The following PTPRM variants were observed in gnomAD, a reference collection of about 807,000 sequenced individuals.
The protein encoded by PTPRM is receptor-type tyrosine-protein phosphatase mu.
A neutral mutation model predicts 186.7 loss-of-function variants in PTPRM; 47 were observed. The observed-to-expected ratio is 0.25, with a 90% CI of 0.20 to 0.32. PTPRM has a LOEUF of 0.32. PTPRM is among the 10% of genes least tolerant of loss of function. The pLI, the probability that PTPRM is intolerant of heterozygous loss-of-function variation, is 1.00. For synonymous variants in PTPRM, 668 were observed against 674.9 expected (o/e 0.99, Z 0.16); for missense variants, 1,494 against 1,865.0 (o/e 0.80, Z 3.66).
intron 8 of PTPRM, among the ~76,000 whole-genome samples, chr18:8,076,253 G>GA (rs955998423): frequency 4.6e-5 from 7 of 151,544 alleles, no homozygotes; most frequent in African/African-American, 1.7e-4. Flanking sequence ...AAACTTTTAA[G>GA]AAAAAAAATG....
rs2041072945 is a variant in PTPRM at position 7,748,841 on chromosome 18, G to A, written c.74-25308G>A. On this transcript the variant is annotated intron_variant, in intron 1 of 32. Coordinates refer to ENST00000580170, the MANE Select transcript of PTPRM (RefSeq NM_001105244.2). ...CCACAGCCTTCCATTCCCATTATTGGAGGAAGCCCTTAAGGAACTCCCCCA... is the reference window on the plus strand; with the variant it reads ...CCACAGCCTTCCATTCCCATTATTGAAGGAAGCCCTTAAGGAACTCCCCCA... Among the ~76,000 whole-genome samples, 3 of 152,100 alleles carry A rather than the reference G, an allele frequency of 2.0e-5. No homozygotes were observed. The South Asian group carries it at 6.2e-4, about 32-fold the overall frequency.
chr18:7,815,308 C>T (rs1489450014), intron 2 of PTPRM: 2 of 152,178 alleles, frequency 1.3e-5, no homozygotes, highest in African/African-American at 4.8e-5. Flanking sequence ...TGCCGCAGTA[C>T]CCGAATAAAG....
intron 2 of PTPRM, among the ~76,000 whole-genome samples, chr18:7,869,294 A>G (rs1253729528): frequency 6.6e-6 from 1 of 152,066 alleles, no homozygotes; most frequent in African/African-American, 2.4e-5. Flanking sequence ...CAGCTGCCCA[A>G]TTTTGTGCTT....
chr18:8,380,107 T>C (rs2095723157), intron 28 of PTPRM, among the ~76,000 whole-genome samples, 189 bp from the exon 29 acceptor site: 2 of 152,240 alleles, frequency 1.3e-5, no homozygotes, highest in African/African-American at 4.8e-5. Context: ...AGTAAGACTT[T>C]TATCACTATT....
At chr18:7,892,661 C>T (rs1171725200) in intron 3 of PTPRM, among the ~76,000 whole-genome samples, 1 of 152,166 alleles carries the variant, frequency 6.6e-6, no homozygotes, top group Non-Finnish European at 1.5e-5. Context: ...TCTTAGTCTG[C>T]TGTGCTGCAG....
chr18:8,301,361 C>T (rs1008996808), intron 20 of PTPRM, among the ~76,000 whole-genome samples: 1 of 152,212 alleles, frequency 6.6e-6, no homozygotes, highest in African/African-American at 2.4e-5. Flanking sequence ...CGCCCCTCCA[C>T]ACACAAGCAT....
At chr18:7,698,705 T>C (rs1387718195) in intron 1 of PTPRM, among the ~76,000 whole-genome samples, 4 of 152,192 alleles carry the variant, frequency 2.6e-5, no homozygotes, top group African/African-American at 9.7e-5. Context: ...TGTAAAAATT[T>C]TACTCCCTCA....
chr18:7,924,593 G>T (rs1193593607), intron 4 of PTPRM, among the ~76,000 whole-genome samples: 2 of 152,148 alleles, frequency 1.3e-5, no homozygotes, highest in African/African-American at 4.8e-5. Context: ...AATCTAAAAT[G>T]AACAGTCTTT....
At chr18:7,794,221 C>T (rs1777468438) in intron 2 of PTPRM, among the ~76,000 whole-genome samples, 2 of 152,174 alleles carry the variant, frequency 1.3e-5, no homozygotes, top group African/African-American at 4.8e-5. Context: ...GGCAGGGGGT[C>T]TAATTGAGCT....
chr18:7,981,083 C>T (rs2082523536), intron 7 of PTPRM, among the ~76,000 whole-genome samples: 1 of 152,106 alleles, frequency 6.6e-6, no homozygotes, highest in Non-Finnish European at 1.5e-5. Flanking sequence ...GATCAAGGTG[C>T]TCTTCCTGCT....
intron 2 of PTPRM, among the ~76,000 whole-genome samples, chr18:7,844,396 A>G: frequency 6.6e-6 from 1 of 152,184 alleles, no homozygotes; most frequent in East Asian, 1.9e-4. Flanking sequence ...AGATATTTTC[A>G]TTGTGGATTT....
intron 5 of PTPRM, among the ~76,000 whole-genome samples, chr18:7,943,312 C>T (rs1193844961): frequency 6.6e-6 from 1 of 152,130 alleles, no homozygotes; most frequent in Non-Finnish European, 1.5e-5. Context: ...CCTGGTCTGG[C>T]CTCTGCTCAT....
At chr18:7,805,388 T>A (rs2044182936) in intron 2 of PTPRM, among the ~76,000 whole-genome samples, 1 of 152,228 alleles carries the variant, frequency 6.6e-6, no homozygotes, top group Non-Finnish European at 1.5e-5. Flanking sequence ...AACTATTTAG[T>A]GCCTTATAAG....
intron 11 of PTPRM, among the ~76,000 whole-genome samples, chr18:8,106,001 C>T (rs1163897026): frequency 6.6e-6 from 1 of 152,186 alleles, no homozygotes; most frequent in Non-Finnish European, 1.5e-5. Flanking sequence ...CCATGCATGC[C>T]TTCAAGCTTC....
At chr18:8,258,883 G>A (rs1242227062) in intron 19 of PTPRM, among the ~76,000 whole-genome samples, 2 of 151,986 alleles carry the variant, frequency 1.3e-5, no homozygotes, top group African/African-American at 2.4e-5. Context: ...AAAAAAGTGT[G>A]TGTGTACATG....
intron 1 of PTPRM, among the ~76,000 whole-genome samples, chr18:7,670,870 T>C (rs916473098): frequency 2.8e-4 from 42 of 152,150 alleles, no homozygotes; most frequent in African/African-American, 9.9e-4. Context: ...CAGAAGATGA[T>C]TAGAAGTTGT....
At chr18:8,276,171 C>G (rs2094832891) in intron 19 of PTPRM, among the ~76,000 whole-genome samples, 1 of 152,094 alleles carries the variant, frequency 6.6e-6, no homozygotes, top group South Asian at 2.1e-4. Flanking sequence ...CCATCCATCC[C>G]TCACTGTTTT....
chr18:8,144,795 A>G (rs112679587), intron 14 of PTPRM, among the ~76,000 whole-genome samples: 1 of 152,256 alleles, frequency 6.6e-6, no homozygotes, highest in Admixed American at 6.5e-5. Context: ...ATACAAAAAT[A>G]TAGATACTAA....
chr18:7,856,970 C>T (rs150689813), intron 2 of PTPRM, among the ~76,000 whole-genome samples: 1 of 152,190 alleles, frequency 6.6e-6, no homozygotes, highest in Non-Finnish European at 1.5e-5. Flanking sequence ...CTCTTGCCCT[C>T]GCTCCTGAAA....
Sources: allele counts gnomAD v4.1 joint callset (sites outside exome capture counted in the v4.1 genomes callset), GRCh38; gene constraint gnomAD v4.1.1; transcripts MANE v1.5; gene names NCBI Gene and HGNC (gene_info 2026-07-23, HGNC 2026-07-21).